The following MACROD2 variants were observed in gnomAD, a reference collection of about 807,000 sequenced individuals.
The protein encoded by MACROD2 is mono-ADP ribosylhydrolase 2, also known as ADP-ribose glycohydrolase MACROD2.
In MACROD2, 36 loss-of-function variants were observed where a neutral mutation model predicts 70.4. The observed-to-expected ratio is 0.51, with a 90% CI of 0.39 to 0.68. MACROD2 has a LOEUF of 0.68. Ranked by LOEUF, MACROD2 falls within the 30% of genes least tolerant of loss-of-function variation. The pLI is 0.00. For missense variants in MACROD2, 496 were observed against 538.4 expected (o/e 0.92, Z 0.78); for synonymous variants, 172 against 178.8 (o/e 0.96, Z 0.30).
intron 4 of MACROD2, among the ~76,000 whole-genome samples, chr20:14,550,896 G>A (rs934086884): frequency 6.9e-6 from 1 of 145,210 alleles, no homozygotes; most frequent in Non-Finnish European, 1.5e-5. Context: ...TTTTTTTTTT[G>A]AGGCCTAATG....
At chr20:15,101,860 G>T (rs2075875660) in intron 5 of MACROD2, among the ~76,000 whole-genome samples, 1 of 151,806 alleles carries the variant, frequency 6.6e-6, no homozygotes, top group South Asian at 2.1e-4. Flanking sequence ...TTAGTCTTTG[G>T]TTTTTTCCCT....
At chr20:14,767,716 G>A (rs1033638345) in intron 5 of MACROD2, among the ~76,000 whole-genome samples, 2 of 151,574 alleles carry the variant, frequency 1.3e-5, no homozygotes, top group African/African-American at 2.4e-5. Context: ...AGGTATACAC[G>A]TGTCATGGTG....
At chr20:15,671,105 T>TC (rs1255037583) in intron 8 of MACROD2, among the ~76,000 whole-genome samples, 10 of 152,210 alleles carry the variant, frequency 6.6e-5, no homozygotes, top group Non-Finnish European at 1.3e-4. Context: ...TGTCAGCCAG[T>TC]CCCTTAGCTG....
Position 15,885,779 on chromosome 20 carries a change from A to T in MACROD2, c.743A>T (p.Glu248Val), listed in dbSNP as rs777371434. Residue 248 changes from glutamate (E) to valine (V), a missense_variant, in exon 10 of 18, where the codon GAA (glutamate) becomes GTA (valine). By Grantham distance (121) the Glu-to-Val change is moderately radical (BLOSUM62 -2). Transcript: ENST00000684519. Reference protein sequence around the residue: ...EFFSVDDNNEEEEDVEMKEDS... With the variant: ...EFFSVDDNNEVEEDVEMKEDS... Reference sequence around the variant, plus strand: ...TTTTTAACAGACGATAATAATGAAGAAGAAGAGGATGTTGAAATGAAAGAA... The same window carrying T: ...TTTTTAACAGACGATAATAATGAAGTAGAAGAGGATGTTGAAATGAAAGAA... The T allele has an allele frequency of 9.4e-6, 14 of 1,492,568 alleles. No individual in the cohort carries two copies. The highest frequency in any genetic ancestry group is 1.2e-5 in the Non-Finnish European group (13 of 1,121,616). The allele number at this position is 1,492,568 out of a possible 1,614,324, so 92.5% of individuals were successfully genotyped here.
At chr20:15,070,652 A>C (rs1424113711) in intron 5 of MACROD2, among the ~76,000 whole-genome samples, 1 of 152,080 alleles carries the variant, frequency 6.6e-6, no homozygotes, top group Non-Finnish European at 1.5e-5. Context: ...CCTTCTCATC[A>C]TGTGACACAC....
At chr20:14,725,780 C>T (rs1176602093) in intron 5 of MACROD2, among the ~76,000 whole-genome samples, 1 of 152,122 alleles carries the variant, frequency 6.6e-6, no homozygotes, top group East Asian at 1.9e-4. Context: ...ATGTATTCAT[C>T]CTCCAACCCC....
intron 13 of MACROD2, among the ~76,000 whole-genome samples, chr20:15,972,006 T>C (rs1248655134): frequency 1.3e-5 from 2 of 152,350 alleles, no homozygotes; most frequent in East Asian, 3.9e-4. Context: ...ACTGACCATG[T>C]TAATTCGAGA....
intron 3 of MACROD2, among the ~76,000 whole-genome samples, chr20:14,348,550 T>C (rs994361016): frequency 2.7e-5 from 4 of 150,148 alleles, no homozygotes; most frequent in Admixed American, 6.6e-5. Flanking sequence ...CTTTTATTAG[T>C]AGACAAAAAA....
At chr20:14,700,794 C>T (rs542806177) in intron 5 of MACROD2, among the ~76,000 whole-genome samples, 1 of 152,208 alleles carries the variant, frequency 6.6e-6, no homozygotes, top group African/African-American at 2.4e-5. Flanking sequence ...CAAACATAGG[C>T]ATTTTGCTTT....
chr20:15,272,976 A>G (rs573271125), intron 6 of MACROD2, among the ~76,000 whole-genome samples: 1 of 152,260 alleles, frequency 6.6e-6, no homozygotes, highest in East Asian at 1.9e-4. Flanking sequence ...TCCCTTGACC[A>G]TGACATCTCT....
chr20:14,451,757 A>AGT (rs2084248247), intron 3 of MACROD2, among the ~76,000 whole-genome samples: 1 of 152,168 alleles, frequency 6.6e-6, no homozygotes, highest in African/African-American at 2.4e-5. Context: ...TGTGCAAGAA[A>AGT]GTGGTAAGGC....
intron 15 of MACROD2, 53 bp from the exon 16 acceptor site, chr20:16,041,148 C>A: frequency 6.8e-7 from 1 of 1,474,478 alleles, no homozygotes; most frequent in Non-Finnish European, 9.4e-7. Flanking sequence ...GATTGGCCCT[C>A]AGGCTGTTAT....
At chr20:15,300,530 G>T (rs1351479706) in intron 6 of MACROD2, among the ~76,000 whole-genome samples, 1 of 152,150 alleles carries the variant, frequency 6.6e-6, no homozygotes, top group African/African-American at 2.4e-5. Context: ...AGATGCTTGG[G>T]CTCTACTCAG....
At chr20:16,044,131 C>T (rs1396520552) in intron 16 of MACROD2, among the ~76,000 whole-genome samples, 2 of 152,064 alleles carry the variant, frequency 1.3e-5, no homozygotes, top group Non-Finnish European at 2.9e-5. Context: ...ATGAGGAACT[C>T]AGGAAGCTTA....
chr20:14,861,979 ATATATATATATATTTATATATATATT>A (rs2073324159), intron 5 of MACROD2, among the ~76,000 whole-genome samples: 3 of 45,372 alleles, frequency 6.6e-5, no homozygotes, highest in African/African-American at 2.9e-4. Flanking sequence ...ATATATAAAT[ATATATATATATATTTATATATATATT>A]TATATATATA....
intron 5 of MACROD2, among the ~76,000 whole-genome samples, chr20:14,782,437 T>TAA (rs2072313353): frequency 6.6e-6 from 1 of 152,108 alleles, no homozygotes; most frequent in African/African-American, 2.4e-5. Context: ...TTATGTAAAT[T>TAA]TTAGATATAA....
At position 14,677,970 on chromosome 20, in the gene MACROD2, A is replaced by C. The variant is rs142815205; in HGVS notation, c.302-6873A>C. On this transcript the variant is annotated intron_variant, in intron 4 of 17. Transcript: ENST00000684519. ...TTGCCATCATGATATTTACAACAGA[A>C]ATGAATGTATTTGTTAAGGCAAACT... Among the ~76,000 whole-genome samples the C allele has an allele frequency of 3.9e-5, 6 of 152,330 alleles. 1 individual carries two copies. The highest frequency in any genetic ancestry group is 8.8e-5 in the Non-Finnish European group (6 of 68,028).
chr20:14,053,825 T>G (rs2053601787), intron 2 of MACROD2: 1 of 152,112 alleles, frequency 6.6e-6, no homozygotes, highest in East Asian at 1.9e-4. Context: ...TCTCTTTTCC[T>G]TGAGATTTTA....
chr20:15,353,647 A>C (rs1319331575), intron 6 of MACROD2, among the ~76,000 whole-genome samples: 1 of 151,374 alleles, frequency 6.6e-6, no homozygotes, highest in Admixed American at 6.6e-5. Flanking sequence ...GAACTCAAAC[A>C]AATTTACAAG....
Sources: allele counts gnomAD v4.1 joint callset (sites outside exome capture counted in the v4.1 genomes callset), GRCh38; gene constraint gnomAD v4.1.1; transcripts MANE v1.5; gene names NCBI Gene and HGNC (gene_info 2026-07-23, HGNC 2026-07-21).